NPFFR2: variants seen among roughly 807,000 people sequenced by gnomAD.
NPFFR2 encodes the protein G-protein coupled receptor 74.
NPFFR2 carries 15 observed loss-of-function variants against 13.1 expected under a neutral mutation model. That is an observed-to-expected ratio of 1.15 (90% confidence interval 0.77 to 1.76). The LOEUF is 1.76. NPFFR2 is among the 40% of genes most tolerant of loss of function. The probability of loss-of-function intolerance (pLI) is 0.00; values close to 1 mark genes in which losing one functional copy is unlikely to be tolerated. For missense variants in NPFFR2, 572 were observed against 503.5 expected, an observed-to-expected ratio of 1.14 and a Z score of -1.30; for synonymous variants, 190 against 175.7, an observed-to-expected ratio of 1.08 and a Z score of -0.65.
intron 1 of NPFFR2, among the ~76,000 whole-genome samples, chr4:72,096,853 A>G (rs1223718580): frequency 6.6e-6 from 1 of 152,228 alleles, no homozygotes; most frequent in African/African-American, 2.4e-5. Flanking sequence ...TAATACCCTG[A>G]TAAGCTCATT....
intron 1 of NPFFR2, among the ~76,000 whole-genome samples, chr4:72,086,870 A>G (rs377142568): frequency 1.6e-4 from 24 of 152,184 alleles, no homozygotes; most frequent in African/African-American, 5.3e-4. Context: ...TATGCATCCC[A>G]TGGGAACACA....
intron 1 of NPFFR2, among the ~76,000 whole-genome samples, chr4:72,110,105 C>T (rs1386835862): frequency 6.6e-6 from 1 of 151,922 alleles, no homozygotes; most frequent in Non-Finnish European, 1.5e-5. Context: ...ATAGTCCCCA[C>T]AAGTCATGGG....
intron 1 of NPFFR2, among the ~76,000 whole-genome samples, chr4:72,117,757 T>C (rs1445956041): frequency 6.6e-6 from 1 of 152,186 alleles, no homozygotes; most frequent in African/African-American, 2.4e-5. Context: ...ATTCTGGCCC[T>C]TTACCACCTG....
chr4:72,063,737 C>T (rs148096332), intron 1 of NPFFR2, among the ~76,000 whole-genome samples: 1 of 152,292 alleles, frequency 6.6e-6, no homozygotes. Context: ...ATAGAAATGA[C>T]TTATCAAAAG....
chr4:72,140,205 A>G lies in NPFFR2; in HGVS notation c.428+2066A>G, dbSNP rs566919092. Among the ~76,000 whole-genome samples the G allele has an allele frequency of 3.3e-5, 5 of 152,314 alleles. No homozygotes were observed. The East Asian group carries it at 9.7e-4, about 29-fold the overall frequency. Reference sequence around the variant, plus strand: ...ATATACAATGACGTCATCTGCAAAGAGGAACAATTTGACTTCCTCCTTTCC... The same window carrying G: ...ATATACAATGACGTCATCTGCAAAGGGGAACAATTTGACTTCCTCCTTTCC... On this transcript the variant is annotated intron_variant, in intron 3 of 3. Coordinates refer to ENST00000308744, the MANE Select transcript of NPFFR2 (RefSeq NM_004885.3).
intron 1 of NPFFR2, among the ~76,000 whole-genome samples, chr4:72,073,430 T>A (rs1720324913): frequency 6.6e-6 from 1 of 152,024 alleles, no homozygotes; most frequent in Non-Finnish European, 1.5e-5. Context: ...AAGGGAGCCC[T>A]GCAGGTTGAA....
intron 1 of NPFFR2, among the ~76,000 whole-genome samples, chr4:72,065,986 A>T (rs771000385): frequency 6.6e-6 from 1 of 152,208 alleles, no homozygotes; most frequent in Non-Finnish European, 1.5e-5. Flanking sequence ...TTTATTTGTT[A>T]TATCTCTCCA....
chr4:72,121,449 T>C (rs1232749529), intron 1 of NPFFR2, among the ~76,000 whole-genome samples: 1 of 151,956 alleles, frequency 6.6e-6, no homozygotes, highest in Non-Finnish European at 1.5e-5. Context: ...AACATAATCA[T>C]CAGATTCACT....
At chr4:72,116,146 T>C (rs2109823434) in intron 1 of NPFFR2, among the ~76,000 whole-genome samples, 1 of 152,308 alleles carries the variant, frequency 6.6e-6, no homozygotes, top group Non-Finnish European at 1.5e-5. Context: ...CATGCAAATA[T>C]CAAACTTTAA....
intron 1 of NPFFR2, among the ~76,000 whole-genome samples, chr4:72,089,298 A>G (rs992627635): frequency 2.6e-5 from 4 of 151,948 alleles, no homozygotes; most frequent in Non-Finnish European, 4.4e-5. Context: ...GTCTGTGTGT[A>G]TCTTTTCCAT....
intron 1 of NPFFR2, among the ~76,000 whole-genome samples, chr4:72,102,861 A>G (rs1721296217): frequency 6.6e-6 from 1 of 152,078 alleles, no homozygotes; most frequent in South Asian, 2.1e-4. Context: ...TAGCAGCATG[A>G]TTTATAATCC....
chr4:72,071,197 A>G (rs968042614), intron 1 of NPFFR2, among the ~76,000 whole-genome samples: 1 of 152,182 alleles, frequency 6.6e-6, no homozygotes, highest in Non-Finnish European at 1.5e-5. Flanking sequence ...GGTGTTTCTC[A>G]TGCACAGACA....
intron 3 of NPFFR2, among the ~76,000 whole-genome samples, chr4:72,140,734 G>A (rs1722582040): frequency 6.6e-6 from 1 of 152,010 alleles, no homozygotes. Flanking sequence ...TTTTTGGGGG[G>A]TGTCTCTACC....
chr4:72,132,293 T>A (rs576150525), intron 2 of NPFFR2, among the ~76,000 whole-genome samples: 2 of 152,318 alleles, frequency 1.3e-5, no homozygotes, highest in East Asian at 3.9e-4. Flanking sequence ...GATAATGGCC[T>A]CCAGCTCCAT....
chr4:72,129,016 A>G, intron 2 of NPFFR2, 97 bp downstream of exon 2: 4 of 972,732 alleles, frequency 4.1e-6, no homozygotes, highest in South Asian at 1.7e-5. Context: ...ATTTATTTAC[A>G]TATATTTATG....
In NPFFR2 at chr4:72,033,050, A is replaced by G. The variant is rs557993838; in HGVS notation, c.-8+850A>G. 3.3e-5 allele frequency among the ~76,000 whole-genome samples: 5 copies of G among 152,294 alleles called. No homozygotes were observed. In the South Asian group the frequency reaches 1.0e-3, roughly 32 times the overall value. On this transcript the variant is annotated intron_variant, in intron 1 of 3. Transcript: ENST00000308744. ...AAAGTTGTTTTAAACATATGTCTAA[A>G]TTTCTAATTCCATTCACATCCAAAT...
intron 1 of NPFFR2, among the ~76,000 whole-genome samples, chr4:72,078,415 G>A (rs1304697330): frequency 6.6e-6 from 1 of 152,132 alleles, no homozygotes; most frequent in Non-Finnish European, 1.5e-5. Context: ...AAAACGATTA[G>A]CATGAAGCTT....
intron 1 of NPFFR2, among the ~76,000 whole-genome samples, chr4:72,035,798 G>T (rs573417904): frequency 6.6e-6 from 1 of 152,278 alleles, no homozygotes; most frequent in South Asian, 2.1e-4. Context: ...CAAATGTTAT[G>T]AAAGTATATT....
intron 1 of NPFFR2, among the ~76,000 whole-genome samples, chr4:72,048,844 A>T (rs567036403): frequency 3.5e-4 from 53 of 152,168 alleles, no homozygotes; most frequent in Admixed American, 5.2e-4. Flanking sequence ...AATTTCACAG[A>T]TCATATTAAA....
Sources: gnomAD v4.1 joint callset for allele counts (sites outside exome capture counted in the v4.1 genomes callset) on GRCh38, gnomAD v4.1.1 for gene constraint, MANE v1.5 for transcripts, NCBI Gene and HGNC (gene_info 2026-07-23, HGNC 2026-07-21) for gene names.